MORC4: variants seen among roughly 807,000 people sequenced by gnomAD.
The protein encoded by MORC4 is MORC family CW-type zinc finger protein 4.
MORC4 carries 22 observed loss-of-function variants against 65.5 expected under a neutral mutation model. The ratio of observed to expected loss-of-function variants is 0.34; its 90% confidence interval spans 0.24 to 0.48. The LOEUF (loss-of-function observed/expected upper bound fraction) is 0.48. MORC4 is among the 20% of genes least tolerant of loss of function. The pLI is 0.99. For missense variants in MORC4, 624 were observed against 703.0 expected (o/e 0.89, Z 1.27); for synonymous variants, 267 against 255.8 (o/e 1.04, Z -0.42).
intron 9 of MORC4, among the ~76,000 whole-genome samples, chrX:106,968,872 CAAT>C (rs1934438858): frequency 9.0e-6 from 1 of 110,618 alleles, no homozygotes; most frequent in Admixed American, 9.7e-5. Flanking sequence ...GACTCCCACA[CAAT>C]AATAATGGGA....
rs41310687 is a variant in MORC4, at chrX:106,978,227, A to G, written c.937-28T>C. The G allele has an allele frequency of 4.5e-3, 5,296 of 1,183,601 alleles. 21 individuals are homozygous for G. The highest frequency in any genetic ancestry group is 5.5e-3 in the Non-Finnish European group (4,815 of 882,362). On this transcript the variant is annotated intron_variant, in intron 7 of 16. Transcript: ENST00000355610. ...GAGAAGAACATCGTTAAGGAGACAA[A>G]CATACCAGGGGCTTCAACGACAAAA... is the stretch of plus-strand genomic sequence containing the variant.
Position 106,954,941 on chromosome X carries a change from G to A in MORC4, c.1657C>T (p.Leu553=). The A allele has an allele frequency of 8.3e-7, 1 of 1,209,831 alleles. No homozygotes were observed. The highest frequency in any genetic ancestry group is 3.0e-5 in the East Asian group (1 of 33,824). The change falls in exon 14 of 17, where the codon CTG becomes TTG. Residue 553 remains leucine, a synonymous_variant. Coordinates refer to ENST00000355610, the MANE Select transcript of MORC4 (RefSeq NM_024657.5). ...SRSPSLQLKP[L]DSSVLQFSSK... ...GAAAACTGTAAAACACTGGAATCCAGAGGCTTAAGTTGAAGAGATGGTGAT... is the reference window on the plus strand; with the variant it reads ...GAAAACTGTAAAACACTGGAATCCAAAGGCTTAAGTTGAAGAGATGGTGAT...
chrX:106,968,999 C>T (rs1934441370), intron 9 of MORC4, among the ~76,000 whole-genome samples: 1 of 111,951 alleles, frequency 8.9e-6, no homozygotes, highest in South Asian at 3.7e-4. Context: ...TAGACATCTA[C>T]AGAACTCTCC....
At chrX:106,998,258 T>C (rs1172808573) in intron 2 of MORC4, among the ~76,000 whole-genome samples, 1 of 112,594 alleles carries the variant, frequency 8.9e-6, no homozygotes, top group African/African-American at 3.2e-5. Flanking sequence ...AATCTATGTT[T>C]GTATACATGT....
intron 14 of MORC4, among the ~76,000 whole-genome samples, chrX:106,952,034 A>G (rs1390261914): frequency 1.9e-5 from 2 of 105,997 alleles, no homozygotes; most frequent in African/African-American, 3.4e-5. Flanking sequence ...AAGGAAAGAA[A>G]ACTATATGCA....
chrX:106,961,431 C>A (rs779735055), intron 10 of MORC4, among the ~76,000 whole-genome samples: 1 of 112,071 alleles, frequency 8.9e-6, no homozygotes, highest in African/African-American at 3.2e-5. Context: ...GCAATTAGTA[C>A]CTGTGAGTTC....
In MORC4 at chrX:106,981,151, A is replaced by G. The variant is rs763437963; in HGVS notation, c.808-132T>C. 1.9e-4 allele frequency: 168 copies of G among 863,998 alleles called. No individual in the cohort carries two copies. In the Middle Eastern group the frequency reaches 4.6e-3, roughly 24 times the overall value. The allele number at this position is 863,998 out of a possible 1,213,427, so 71.2% of individuals were successfully genotyped here. A position where few individuals can be genotyped will look rare whatever the true frequency, so the allele number is the denominator to read the frequency against. ...TGGCTCAGTTTCTATACCTTATTAC[A>G]CTATGTAAACTACCACACTAAAGTA... is the stretch of plus-strand genomic sequence containing the variant. On this transcript the variant is annotated intron_variant, in intron 6 of 16. Coordinates refer to ENST00000355610, the MANE Select transcript of MORC4 (RefSeq NM_024657.5).
intron 14 of MORC4, among the ~76,000 whole-genome samples, chrX:106,944,788 G>C (rs1602471889): frequency 9.0e-6 from 1 of 111,347 alleles, no homozygotes; most frequent in East Asian, 2.8e-4. Flanking sequence ...GCACCAAACT[G>C]TCACTAATAT....
intron 3 of MORC4, 152 bp downstream of exon 3, chrX:106,993,078 T>A: frequency 1.8e-6 from 1 of 559,728 alleles, no homozygotes; most frequent in East Asian, 3.6e-5. Flanking sequence ...GGAACAGTAT[T>A]TGTTTCATAA....
In MORC4 at chrX:106,994,494, A is replaced by G. The variant is rs377648107; in HGVS notation, c.176-1132T>C. The stretch of plus-strand genomic sequence containing the variant: ...GTTCTATTACTACTGATCAAATTAT[A>G]TCATTTTTTCCCAGGAACACCCCTT... On this transcript the variant is annotated intron_variant, in intron 2 of 16. Transcript: ENST00000355610. 4.4e-5 allele frequency among the ~76,000 whole-genome samples: 5 copies of G among 112,401 alleles called. No homozygotes were observed. In the East Asian group the frequency reaches 1.1e-3, roughly 25 times the overall value.
intron 7 of MORC4, among the ~76,000 whole-genome samples, chrX:106,978,626 A>G (rs1934676632): frequency 9.1e-6 from 1 of 109,778 alleles, no homozygotes. Flanking sequence ...ACACGCACAC[A>G]CACACACACA....
intron 16 of MORC4, 91 bp from the exon 17 acceptor site, chrX:106,941,723 T>C (rs371827363): frequency 1.6e-5 from 15 of 951,718 alleles, no homozygotes; most frequent in African/African-American, 5.8e-5. Context: ...TGGAACCACA[T>C]TTCTCAACAG....
intron 5 of MORC4, among the ~76,000 whole-genome samples, chrX:106,983,418 C>T (rs1934788497): frequency 9.0e-6 from 1 of 111,161 alleles, no homozygotes; most frequent in Non-Finnish European, 1.9e-5. Flanking sequence ...TTTGTTTTAC[C>T]CAGGTAAATG....
intron 14 of MORC4, among the ~76,000 whole-genome samples, chrX:106,952,154 A>T (rs1237703141): frequency 9.0e-6 from 1 of 111,207 alleles, no homozygotes; most frequent in Admixed American, 9.6e-5. Context: ...TAAAGTAGGC[A>T]CTCAAATACA....
intron 9 of MORC4, among the ~76,000 whole-genome samples, chrX:106,969,122 ACT>A (rs1369973067): frequency 7.3e-5 from 8 of 110,204 alleles, no homozygotes; most frequent in Non-Finnish European, 1.5e-4. Context: ...AACACAAAAA[ACT>A]CTCTCAGACC....
intron 10 of MORC4, among the ~76,000 whole-genome samples, chrX:106,958,974 C>T (rs1294616448): frequency 9.0e-6 from 1 of 111,602 alleles, no homozygotes; most frequent in Admixed American, 9.5e-5. Context: ...GCCATTAAAA[C>T]ATCTCCCTCA....
Position 106,954,907 on chromosome X carries a change from A to G in MORC4, c.1685+6T>C, listed in dbSNP as rs370777168. ...CTATTGACAAGAGATCATGCTTTTTAGTCACCTGGAAAACTGTAAAACACT... is the reference window on the plus strand; with the variant it reads ...CTATTGACAAGAGATCATGCTTTTTGGTCACCTGGAAAACTGTAAAACACT... On this transcript the variant is annotated splice_donor_region_variant and intron_variant, in intron 14 of 16. Transcript: ENST00000355610. 1.4e-4 allele frequency: 172 copies of G among 1,200,959 alleles called. 1 individual carries two copies. The highest frequency in any genetic ancestry group is 1.1e-3 in the Admixed American group (50 of 44,540).
chrX:106,941,863 G>A (rs1933691789), intron 16 of MORC4, 75 bp downstream of exon 16: 19 of 1,045,317 alleles, frequency 1.8e-5, no homozygotes, highest in Non-Finnish European at 2.2e-5. Context: ...CTTTGTCTAC[G>A]GCCAGTAAGT....
In MORC4 at chrX:106,976,585, G is replaced by A. The variant is rs770079478; in HGVS notation, c.1156C>T (p.Arg386Trp). 17 of 1,186,364 alleles carry A rather than the reference G, an allele frequency of 1.4e-5. No individual in the cohort carries two copies. The highest frequency in any genetic ancestry group is 2.2e-5 in the Admixed American group (1 of 45,761). The change falls in exon 9 of 17, where the codon CGG becomes TGG. Residue 386 changes from arginine to tryptophan, a missense_variant and splice_region_variant. Transcript: ENST00000355610. ...CACCTCAGGTTGGGAGTGACTCACC[G>A]GTACTCCTTGGTATACTCAAAGTCT... is the stretch of plus-strand genomic sequence containing the variant. Reference protein sequence around the residue: ...KQDFEYTKEYRLTINALAQKL... With the variant: ...KQDFEYTKEYWLTINALAQKL...
Sources: gnomAD v4.1 joint callset for allele counts (sites outside exome capture counted in the v4.1 genomes callset) on GRCh38, gnomAD v4.1.1 for gene constraint, MANE v1.5 for transcripts, NCBI Gene and HGNC (gene_info 2026-07-23, HGNC 2026-07-21) for gene names.